Variants in PAPPA observed in about 807,000 individuals in gnomAD.
The protein encoded by PAPPA is pappalysin-1.
PAPPA carries 60 observed loss-of-function variants against 164.0 expected under a neutral mutation model. That is an observed-to-expected ratio of 0.37 (90% CI 0.30 to 0.45). PAPPA has a LOEUF of 0.45. PAPPA is among the 20% of genes least tolerant of loss of function. PAPPA has a pLI of 1.00. For synonymous variants in PAPPA, 875 were observed against 814.1 expected, an observed-to-expected ratio of 1.07 and a Z score of -1.27; for missense variants, 1,782 against 2,087.3, an observed-to-expected ratio of 0.85 and a Z score of 2.85.
At chr9:116,270,451 A>T (rs1230454234) in intron 8 of PAPPA, among the ~76,000 whole-genome samples, 1 of 152,272 alleles carries the variant, frequency 6.6e-6, no homozygotes, top group East Asian at 1.9e-4. Context: ...ATTTAAATGT[A>T]AATCATCACA....
intron 21 of PAPPA, among the ~76,000 whole-genome samples, chr9:116,388,557 G>A (rs989730640): frequency 1.3e-5 from 2 of 152,114 alleles, no homozygotes; most frequent in East Asian, 3.9e-4. Context: ...GTATAGTCCT[G>A]GTTCTGTGAC....
At chr9:116,160,629 G>C (rs1843655173) in intron 1 of PAPPA, among the ~76,000 whole-genome samples, 1 of 152,196 alleles carries the variant, frequency 6.6e-6, no homozygotes, top group African/African-American at 2.4e-5. Flanking sequence ...TGGGCAACTT[G>C]TATCTTATCT....
chr9:116,368,077 T>C (rs1442791636), intron 19 of PAPPA, among the ~76,000 whole-genome samples: 1 of 152,150 alleles, frequency 6.6e-6, no homozygotes, highest in Non-Finnish European at 1.5e-5. Context: ...GTAGGGAGCA[T>C]AGAGCCAGGT....
intron 21 of PAPPA, among the ~76,000 whole-genome samples, chr9:116,386,713 G>A (rs1209568162): frequency 2.0e-5 from 3 of 152,152 alleles, no homozygotes; most frequent in Admixed American, 6.5e-5. Flanking sequence ...GACCCTCCCT[G>A]TTCTGGTTGG....
chr9:116,260,123 A>C (rs1844983636), intron 7 of PAPPA, among the ~76,000 whole-genome samples: 1 of 152,228 alleles, frequency 6.6e-6, no homozygotes, highest in South Asian at 2.1e-4. Flanking sequence ...AAAACAATAC[A>C]CTGTGCAAAA....
intron 9 of PAPPA, among the ~76,000 whole-genome samples, chr9:116,292,485 A>C (rs1845449097): frequency 6.6e-6 from 1 of 152,132 alleles, no homozygotes; most frequent in Non-Finnish European, 1.5e-5. Context: ...GTGTGGTGTT[A>C]AAGGGTGAGC....
chr9:116,271,522 C>A lies in PAPPA; in HGVS notation c.2953+106C>A. 2.4e-6 allele frequency: 2 copies of A among 817,318 alleles called. No individual in the cohort carries two copies. Among genetic ancestry groups the A allele is most frequent in the Non-Finnish European group, 4.2e-6 (2 of 474,020 alleles). The allele number at this position is 817,318 out of a possible 1,614,324, so 50.6% of individuals were successfully genotyped here. ...GTTATGACTAAATGATGATTCACTC[C>A]TTTGTATTACACCTGTTTATTGAGT... is the stretch of plus-strand genomic sequence containing the variant. On this transcript the variant is annotated intron_variant, in intron 9 of 21. Transcript: ENST00000328252. This position sits in a 1 kb window ranked among gnomAD's most constrained non-coding sequence, Gnocchi z 4.2.
At chr9:116,375,425 C>T (rs1013995584) in intron 19 of PAPPA, among the ~76,000 whole-genome samples, 1 of 152,202 alleles carries the variant, frequency 6.6e-6, no homozygotes, top group African/African-American at 2.4e-5. Context: ...ATCCTCTAAA[C>T]TAGACTTGTT....
chr9:116,361,392 G>A (rs1302854448), intron 17 of PAPPA, among the ~76,000 whole-genome samples: 4 of 152,148 alleles, frequency 2.6e-5, no homozygotes, highest in Non-Finnish European at 5.9e-5. Flanking sequence ...AACTACTTAA[G>A]TTGGCATTTA....
In PAPPA at chr9:116,322,181, C is replaced by G. The variant is rs536869315; in HGVS notation, c.3148-9063C>G. Among the ~76,000 whole-genome samples, 19 of 152,252 alleles carry G rather than the reference C, an allele frequency of 1.2e-4. No individual in the cohort carries two copies. The South Asian group carries it at 3.7e-3, about 30-fold the overall frequency. On this transcript the variant is annotated intron_variant, in intron 10 of 21. Coordinates refer to ENST00000328252, the MANE Select transcript of PAPPA (RefSeq NM_002581.5). ...GTGACTCACGCCTGTAATCCTAGCA[C>G]TTTGGTAGGCCAAGGCAGGTGGATC...
At chr9:116,362,803 G>A (rs3747828) in intron 18 of PAPPA, 64 bp downstream of exon 18, 107,851 of 1,520,876 alleles carry the variant, frequency 0.071, 4,958 homozygotes, top group African/African-American at 0.19. Context: ...CAGGGCTAAT[G>A]CCTGGGTGGG....
chr9:116,393,579 G>T (rs891781559), intron 21 of PAPPA, among the ~76,000 whole-genome samples: 7 of 152,144 alleles, frequency 4.6e-5, no homozygotes, highest in Non-Finnish European at 1.0e-4. Context: ...TGGTATGAAG[G>T]TGATGGTGCT....
At chr9:116,394,219 G>C (rs1462667856) in intron 21 of PAPPA, among the ~76,000 whole-genome samples, 1 of 152,128 alleles carries the variant, frequency 6.6e-6, no homozygotes, top group Non-Finnish European at 1.5e-5. Flanking sequence ...AGGCAGGAAA[G>C]ATCGTGAAAT....
intron 9 of PAPPA, among the ~76,000 whole-genome samples, chr9:116,290,430 G>A (rs1467396359): frequency 2.6e-5 from 4 of 151,122 alleles, no homozygotes; most frequent in African/African-American, 9.7e-5. Context: ...AGGGCAAAAT[G>A]TCAAGAACCA....
intron 1 of PAPPA, among the ~76,000 whole-genome samples, chr9:116,183,681 T>G (rs1843934111): frequency 6.6e-6 from 1 of 152,234 alleles, no homozygotes; most frequent in South Asian, 2.1e-4. Flanking sequence ...CCCTCTGAAC[T>G]TGTGAAGCCG....
chr9:116,160,768 G>C (rs1843656961), intron 1 of PAPPA, among the ~76,000 whole-genome samples: 1 of 152,176 alleles, frequency 6.6e-6, no homozygotes, highest in South Asian at 2.1e-4. Context: ...TAAGAGCTCT[G>C]CTTCTTGCCT....
At chr9:116,350,182 T>C (rs1846263732) in intron 15 of PAPPA, among the ~76,000 whole-genome samples, 1 of 152,174 alleles carries the variant, frequency 6.6e-6, no homozygotes, top group African/African-American at 2.4e-5. Flanking sequence ...ACCAGTATAA[T>C]AAGCATCCAT....
chr9:116,205,678 A>G (rs1011505143), intron 2 of PAPPA, among the ~76,000 whole-genome samples: 2 of 152,190 alleles, frequency 1.3e-5, no homozygotes, highest in Admixed American at 1.3e-4. Context: ...TATGATGGCG[A>G]TAAGTGATAA....
rs1026517281 is a variant in PAPPA at position 116,347,580 on chromosome 9, G to C, written c.3964+371G>C. Among the ~76,000 whole-genome samples the C allele has an allele frequency of 4.6e-5, 7 of 152,166 alleles. No individual in the cohort carries two copies. Among genetic ancestry groups the C allele is most frequent in the Admixed American group, 4.6e-4 (7 of 15,274 alleles). The stretch of plus-strand genomic sequence containing the variant: ...TGATTAGGGCCAGTAAGCCTTATGA[G>C]GTAAGCGTTACTATTATTCCCATTT... On this transcript the variant is annotated intron_variant, in intron 15 of 21. Transcript: ENST00000328252. This position sits in a 1 kb window ranked among gnomAD's most constrained non-coding sequence, Gnocchi z 4.5.
Sources: allele counts gnomAD v4.1 joint callset (sites outside exome capture counted in the v4.1 genomes callset), GRCh38; gene constraint gnomAD v4.1.1; non-coding constraint Gnocchi (gnomAD v3.1); transcripts MANE v1.5; gene names NCBI Gene and HGNC (gene_info 2026-07-23, HGNC 2026-07-21).